The following SNRNP48 variants were observed in gnomAD, a reference collection of about 807,000 sequenced individuals.
The protein encoded by SNRNP48 is U11/U12 small nuclear ribonucleoprotein 48 kDa protein.
Under a neutral mutation model 47.0 loss-of-function variants are expected in SNRNP48, and 43 were observed. That is an observed-to-expected ratio of 0.92 (90% CI 0.72 to 1.18). The LOEUF is 1.18. SNRNP48 is among the 50% of genes most tolerant of loss of function. The pLI is 0.00. For synonymous variants in SNRNP48, 138 were observed against 144.0 expected (o/e 0.96, Z 0.30); for missense variants, 396 against 422.2 (o/e 0.94, Z 0.54).
intron 4 of SNRNP48, chr6:7,600,220 T>C (rs907671212): frequency 1.0e-6 from 1 of 985,256 alleles, no homozygotes; most frequent in Non-Finnish European, 1.2e-6. Context: ...TCAGATTCAC[T>C]GCAGCTCTCC....
intron 8 of SNRNP48, 62 bp downstream of exon 8, chr6:7,606,257 C>A (rs1760126022): frequency 1.4e-6 from 2 of 1,466,578 alleles, no homozygotes; most frequent in Non-Finnish European, 1.8e-6. Context: ...AGAACAGGTT[C>A]TTCTGTTGTA....
rs1442382117 is a variant in SNRNP48 at position 7,611,380 on chromosome 6, A to AG, written c.*2509dup. ...TATTTTTAAATTTTTTTGTAGAGAC[A>AG]GGATCTCACTATGTTCTCCAGCTGG... is the stretch of plus-strand genomic sequence containing the variant. On this transcript the variant is annotated 3_prime_UTR_variant, in exon 9 of 9. Transcript: ENST00000342415. The AG allele has an allele frequency of 6.6e-6, 1 of 152,196 alleles. No individual in the cohort carries two copies. The highest frequency in any genetic ancestry group is 2.4e-5 in the African/African-American group (1 of 41,436). 9.4% of individuals were successfully genotyped at this position (152,196 alleles called of 1,614,324 possible). A position where few individuals can be genotyped will look rare whatever the true frequency, so the allele number is the denominator to read the frequency against.
At chr6:7,598,049 A>G (rs902740572) in intron 4 of SNRNP48, among the ~76,000 whole-genome samples, 8 of 151,002 alleles carry the variant, frequency 5.3e-5, no homozygotes, top group Non-Finnish European at 8.9e-5. Flanking sequence ...GTATTTTTTT[A>G]GTAGAGACGG....
chr6:7,606,783 CT>C (rs1760137423), intron 8 of SNRNP48, among the ~76,000 whole-genome samples: 1 of 149,644 alleles, frequency 6.7e-6, no homozygotes. Flanking sequence ...CTAAACTTAC[CT>C]TTTTCTCAAT....
At chr6:7,604,905 TAGAG>T (rs1760096052) in intron 6 of SNRNP48, among the ~76,000 whole-genome samples, 1 of 152,182 alleles carries the variant, frequency 6.6e-6, no homozygotes, top group Non-Finnish European at 1.5e-5. Context: ...TAAGCTCTAA[TAGAG>T]AGATAAATTG....
chr6:7,594,621 A>T (rs1434221233), intron 3 of SNRNP48, among the ~76,000 whole-genome samples: 1 of 152,170 alleles, frequency 6.6e-6, no homozygotes, highest in South Asian at 2.1e-4. Context: ...TATAAAATGG[A>T]GATGGTTATA....
At chr6:7,595,392 A>G (rs879294992) in intron 4 of SNRNP48, among the ~76,000 whole-genome samples, 130 of 152,242 alleles carry the variant, frequency 8.5e-4, no homozygotes, top group Non-Finnish European at 1.7e-3. Flanking sequence ...AAAAATTATT[A>G]TTTAGTAAAT....
chr6:7,608,326 G>A (rs1760170528), intron 8 of SNRNP48, among the ~76,000 whole-genome samples: 1 of 152,180 alleles, frequency 6.6e-6, no homozygotes, highest in Non-Finnish European at 1.5e-5. Flanking sequence ...GGAGGCCAAG[G>A]CGGGTGGATC....
intron 6 of SNRNP48, among the ~76,000 whole-genome samples, chr6:7,605,163 G>T (rs1760102366): frequency 6.6e-6 from 1 of 152,108 alleles, no homozygotes; most frequent in African/African-American, 2.4e-5. Context: ...CTCACATAAA[G>T]GTAGTACAGT....
At chr6:7,597,966 C>T (rs929135084) in intron 4 of SNRNP48, among the ~76,000 whole-genome samples, 2 of 150,814 alleles carry the variant, frequency 1.3e-5, no homozygotes, top group Admixed American at 6.6e-5. Flanking sequence ...CCTGGGTTCA[C>T]GCCATTCTTC....
chr6:7,595,161 A>T (rs1034720651), intron 4 of SNRNP48, 60 bp downstream of exon 4: 44 of 1,403,638 alleles, frequency 3.1e-5, no homozygotes, highest in Non-Finnish European at 4.1e-5. Context: ...TCTCATAAGC[A>T]TGTTACTAAT....
At chr6:7,596,084 C>A (rs150332159) in intron 4 of SNRNP48, among the ~76,000 whole-genome samples, 17 of 151,974 alleles carry the variant, frequency 1.1e-4, no homozygotes, top group African/African-American at 3.6e-4. Flanking sequence ...GCCAACATGG[C>A]GAAACCCTGT....
At chr6:7,596,645 T>C (rs1245148578) in intron 4 of SNRNP48, among the ~76,000 whole-genome samples, 2 of 152,230 alleles carry the variant, frequency 1.3e-5, no homozygotes, top group Admixed American at 1.3e-4. Context: ...GAAGCACATT[T>C]CTTGTATTTT....
Position 7,605,474 on chromosome 6 carries a change from A to G in SNRNP48, c.794A>G (p.Asp265Gly), listed in dbSNP as rs755575342. ...HWQEEQEKAE[D>G]DAEKNEERRS... The stretch of plus-strand genomic sequence containing the variant: ...CAAGAAGAGCAAGAGAAGGCAGAGG[A>G]TGATGCCGAAAAGTACGTCATTATC... The change falls in exon 7 of 9, where the codon GAT (aspartate) becomes GGT (glycine). Residue 265 changes from aspartate (D) to glycine (G), a missense_variant. By Grantham distance (94) the Asp-to-Gly change is moderately conservative. Transcript: ENST00000342415. 2 of 1,614,002 alleles carry G rather than the reference A, an allele frequency of 1.2e-6. No homozygotes were observed. The highest frequency in any genetic ancestry group is 1.7e-6 in the Non-Finnish European group (2 of 1,179,908).
intron 7 of SNRNP48, 29 bp downstream of exon 7, chr6:7,605,515 A>G (rs1760109692): frequency 1.9e-6 from 3 of 1,581,024 alleles, no homozygotes; most frequent in African/African-American, 1.3e-5. Context: ...TGGTGAAAAT[A>G]CTCTCTCTTT....
rs751376220 is a variant in SNRNP48, at chr6:7,601,558, C to T, written c.595+34C>T. The T allele has an allele frequency of 3.3e-6, 5 of 1,499,418 alleles. No homozygotes were observed. The South Asian group carries it at 6.8e-5, about 20-fold the overall frequency. The allele number at this position is 1,499,418 out of a possible 1,614,324, so 92.9% of individuals were successfully genotyped here. A position where few individuals can be genotyped will look rare whatever the true frequency, so the allele number is the denominator to read the frequency against. On this transcript the variant is annotated intron_variant, in intron 5 of 8. Transcript: ENST00000342415. ...TGCACATCATGGCTTTACATTTCTTCATTATCATTTTATTCTATGAGTGTT... is the reference window on the plus strand; with the variant it reads ...TGCACATCATGGCTTTACATTTCTTTATTATCATTTTATTCTATGAGTGTT...
At chr6:7,591,588 G>T (rs1201795358) in intron 1 of SNRNP48, among the ~76,000 whole-genome samples, 3 of 152,182 alleles carry the variant, frequency 2.0e-5, no homozygotes, top group African/African-American at 7.2e-5. Flanking sequence ...GGTATTTGAA[G>T]CTGGGAATTC....
Position 7,601,455 on chromosome 6 carries a change from C to A in SNRNP48, c.526C>A (p.Arg176Ser), listed in dbSNP as rs780760958. ...CGTAGTTGAGGAGACAAAGAAAAAG[C>A]GCTCTGATTCTCAAATTATTGAAAA... ...DFVVEETKKKRSDSQIIENDS... is the reference protein window; with the variant it reads ...DFVVEETKKKSSDSQIIENDS... Residue 176 changes from arginine (R) to serine (S), a missense_variant, in exon 5 of 9, where the codon CGC (arginine) becomes AGC (serine). Transcript: ENST00000342415. The A allele has an allele frequency of 6.2e-7, 1 of 1,601,686 alleles. No individual in the cohort carries two copies. Among genetic ancestry groups the A allele is most frequent in the East Asian group, 2.3e-5 (1 of 44,282 alleles).
At chr6:7,602,601 T>G in intron 5 of SNRNP48, 22 bp from the exon 6 acceptor site, 1 of 1,543,428 alleles carries the variant, frequency 6.5e-7, no homozygotes, top group Non-Finnish European at 8.7e-7. Context: ...GATATAATAC[T>G]TTTATTTTAT....
Sources: allele counts gnomAD v4.1 joint callset (sites outside exome capture counted in the v4.1 genomes callset), GRCh38; gene constraint gnomAD v4.1.1; transcripts MANE v1.5; gene names NCBI Gene and HGNC (gene_info 2026-07-23, HGNC 2026-07-21).